Variants in ACOXL observed in about 807,000 individuals in gnomAD.
ACOXL encodes acyl-CoA oxidase like, also known as acyl-coenzyme A oxidase-like protein.
Under a neutral mutation model 71.9 loss-of-function variants are expected in ACOXL, and 70 were observed. The ratio of observed to expected loss-of-function variants is 0.97; its 90% confidence interval spans 0.80 to 1.19. The LOEUF is 1.19. Ranked by LOEUF, ACOXL falls within the 50% of genes most tolerant of loss-of-function variation. The probability of loss-of-function intolerance (pLI) is 0.00; values close to 1 mark genes in which losing one functional copy is unlikely to be tolerated. For missense variants in ACOXL, 703 were observed against 736.3 expected (o/e 0.95, Z 0.52); for synonymous variants, 253 against 281.6 (o/e 0.90, Z 1.02).
chr2:111,083,811 G>A (rs1346663530), intron 16 of ACOXL, among the ~76,000 whole-genome samples: 1 of 152,124 alleles, frequency 6.6e-6, no homozygotes, highest in Non-Finnish European at 1.5e-5. Context: ...GAGCAGCCCA[G>A]ACCTGTTAGC....
At chr2:110,983,321 G>GTTA (rs1052607151) in intron 12 of ACOXL, among the ~76,000 whole-genome samples, 2 of 152,212 alleles carry the variant, frequency 1.3e-5, no homozygotes, top group African/African-American at 4.8e-5. Flanking sequence ...TTTTATTGGT[G>GTTA]TTACATAATC....
At chr2:111,064,069 G>A (rs1347497871) in intron 16 of ACOXL, among the ~76,000 whole-genome samples, 1 of 152,108 alleles carries the variant, frequency 6.6e-6, no homozygotes, top group Non-Finnish European at 1.5e-5. Context: ...TTGTCCCAAG[G>A]TATCTGTGGG....
At chr2:110,816,631 G>T (rs1161804221) in intron 9 of ACOXL, among the ~76,000 whole-genome samples, 1 of 152,148 alleles carries the variant, frequency 6.6e-6, no homozygotes, top group Admixed American at 6.5e-5. Flanking sequence ...TGATGACATT[G>T]TCAGTGTGAC....
chr2:110,929,419 C>A (rs1458175614), intron 11 of ACOXL, among the ~76,000 whole-genome samples: 3 of 152,168 alleles, frequency 2.0e-5, no homozygotes, highest in Non-Finnish European at 4.4e-5. Context: ...GCAAGGCATT[C>A]AAGAGATGAC....
chr2:110,853,505 A>G (rs187452427), intron 10 of ACOXL, among the ~76,000 whole-genome samples: 1 of 152,332 alleles, frequency 6.6e-6, no homozygotes, highest in African/African-American at 2.4e-5. Context: ...GTGTTGATAA[A>G]ATACTTTCAA....
chr2:111,103,017 G>A (rs535413662), intron 17 of ACOXL, among the ~76,000 whole-genome samples: 1 of 152,274 alleles, frequency 6.6e-6, no homozygotes, highest in Non-Finnish European at 1.5e-5. Flanking sequence ...GGGGCCAAGC[G>A]CTGTGGCTCA....
chr2:110,797,353 AAAGAGACTCAT>A (rs1363812758), intron 5 of ACOXL, among the ~76,000 whole-genome samples: 1 of 152,192 alleles, frequency 6.6e-6, no homozygotes, highest in Non-Finnish European at 1.5e-5. Flanking sequence ...CCCTCCTAAG[AAAGAGACTCAT>A]TTACAAGTTC....
chr2:110,856,548 G>T (rs1693271179), intron 10 of ACOXL, among the ~76,000 whole-genome samples: 1 of 152,344 alleles, frequency 6.6e-6, no homozygotes. Flanking sequence ...ATATGCTGCG[G>T]TTGCTAAGAT....
At chr2:111,044,332 G>T (rs576398637) in intron 15 of ACOXL, among the ~76,000 whole-genome samples, 4 of 152,196 alleles carry the variant, frequency 2.6e-5, no homozygotes, top group African/African-American at 7.2e-5. Flanking sequence ...GCAACACATC[G>T]CAGAAAAGAG....
At chr2:110,876,215 C>A (rs1573946400) in intron 10 of ACOXL, among the ~76,000 whole-genome samples, 1 of 152,296 alleles carries the variant, frequency 6.6e-6, no homozygotes, top group East Asian at 1.9e-4. Context: ...GGAATCTAGA[C>A]CCAGGCAACT....
chr2:111,078,608 T>G (rs1349805657), intron 16 of ACOXL, among the ~76,000 whole-genome samples: 1 of 152,220 alleles, frequency 6.6e-6, no homozygotes, highest in Non-Finnish European at 1.5e-5. Flanking sequence ...CTACCATTTG[T>G]TTCAAGACGG....
chr2:110,822,704 C>T (rs1688758899), intron 9 of ACOXL, among the ~76,000 whole-genome samples: 1 of 152,150 alleles, frequency 6.6e-6, no homozygotes, highest in East Asian at 1.9e-4. Context: ...ACTCTCTGTG[C>T]TGTAAAGCTC....
At chr2:110,948,415 A>G (rs2061194102) in intron 12 of ACOXL, among the ~76,000 whole-genome samples, 2 of 152,316 alleles carry the variant, frequency 1.3e-5, no homozygotes, top group East Asian at 1.9e-4. Flanking sequence ...CTAACTCCTC[A>G]GGGACATTCA....
At chr2:111,041,141 C>T (rs1023098284) in intron 15 of ACOXL, among the ~76,000 whole-genome samples, 1 of 152,088 alleles carries the variant, frequency 6.6e-6, no homozygotes, top group South Asian at 2.1e-4. Flanking sequence ...AGAACTGGGT[C>T]CAACTCAGCT....
chr2:110,825,535 T>C (rs929210874), intron 9 of ACOXL, among the ~76,000 whole-genome samples: 2 of 152,116 alleles, frequency 1.3e-5, no homozygotes, highest in African/African-American at 4.8e-5. Context: ...CCTCCGGCTT[T>C]TTTCACTGAA....
chr2:110,893,264 G>A (rs2058865316), intron 10 of ACOXL, among the ~76,000 whole-genome samples: 1 of 151,838 alleles, frequency 6.6e-6, no homozygotes, highest in East Asian at 1.9e-4. Flanking sequence ...CTATAAATAA[G>A]TAAGAAAAAT....
At chr2:111,016,776 C>T (rs2064463444) in intron 14 of ACOXL, 1 of 152,666 alleles carries the variant, frequency 6.6e-6, no homozygotes, top group South Asian at 2.1e-4. Flanking sequence ...TACCAGTAGC[C>T]AGGGTCACAG....
intron 2 of ACOXL, among the ~76,000 whole-genome samples, chr2:110,780,353 G>A (rs1048143655): frequency 5.3e-5 from 8 of 152,210 alleles, no homozygotes; most frequent in African/African-American, 1.9e-4. Flanking sequence ...GTTGCGAGGA[G>A]TGTAAAATGG....
intron 7 of ACOXL, among the ~76,000 whole-genome samples, chr2:110,801,079 T>G (rs1201015197): frequency 1.3e-5 from 2 of 152,130 alleles, no homozygotes; most frequent in African/African-American, 4.8e-5. Context: ...CTCTGGCAGG[T>G]GTCTTTAGGA....
Sources: gnomAD v4.1 joint callset for allele counts (sites outside exome capture counted in the v4.1 genomes callset) on GRCh38, gnomAD v4.1.1 for gene constraint, MANE v1.5 for transcripts, NCBI Gene and HGNC (gene_info 2026-07-23, HGNC 2026-07-21) for gene names.